Variants in MPRIP observed in about 807,000 individuals in gnomAD.
The protein encoded by MPRIP is myosin phosphatase Rho-interacting protein.
A neutral mutation model predicts 234.9 loss-of-function variants in MPRIP; 59 were observed. The observed-to-expected ratio is 0.25, with a 90% confidence interval of 0.20 to 0.31. The LOEUF (loss-of-function observed/expected upper bound fraction) is 0.31. Ranked by LOEUF, MPRIP falls within the 10% of genes least tolerant of loss-of-function variation. The pLI, the probability that MPRIP is intolerant of heterozygous loss-of-function variation, is 1.00. For synonymous variants in MPRIP, 1,144 were observed against 1,263.9 expected, an observed-to-expected ratio of 0.91 and a Z score of 2.01; for missense variants, 2,436 against 3,071.0, an observed-to-expected ratio of 0.79 and a Z score of 4.89.
At chr17:17,170,163 C>G (rs978775625) in intron 16 of MPRIP, 1 of 149,334 alleles carries the variant, frequency 6.7e-6, no homozygotes, top group African/African-American at 2.5e-5. Flanking sequence ...GGATGACACA[C>G]AAATTCATGA....
rs983084444 is a variant in MPRIP, at chr17:17,165,413, G to A, written c.3822G>A (p.Pro1274=). 19 of 1,304,184 alleles carry A rather than the reference G, an allele frequency of 1.5e-5. No individual in the cohort carries two copies. The East Asian group carries it at 3.3e-4, about 23-fold the overall frequency. 80.8% of individuals were successfully genotyped at this position (1,304,184 alleles called of 1,614,324 possible). Reference sequence around the variant, plus strand: ...AGGACGAGGACCTGGGGGCTCCTCCGGGGGAAGAGTACGGTGATGGCAGCC... The same window carrying A: ...AGGACGAGGACCTGGGGGCTCCTCCAGGGGAAGAGTACGGTGATGGCAGCC... The part of the protein sequence containing the change: ...EDEDEDLGAP[P]GEEYGDGSPS... Residue 1274 remains proline, a synonymous_variant, in exon 16 of 24, where the codon CCG becomes CCA. Transcript: ENST00000651222.
chr17:17,085,316 A>G (rs916399221), intron 3 of MPRIP, among the ~76,000 whole-genome samples: 3 of 152,148 alleles, frequency 2.0e-5, no homozygotes, highest in African/African-American at 7.2e-5. Flanking sequence ...CAGATCATTT[A>G]AAAAAACAAC....
chr17:17,068,480 A>G lies in MPRIP; in HGVS notation c.124-7230A>G, dbSNP rs115557304. ...TGATCAGTTTTATCAGTCTGTTCAA[A>G]GAACCAGCTCTTTGTTTCACTGATT... On this transcript the variant is annotated intron_variant, in intron 1 of 23. Transcript: ENST00000651222. 7.3e-3 allele frequency among the ~76,000 whole-genome samples: 1,106 copies of G among 151,980 alleles called. 16 individuals are homozygous for G. Among genetic ancestry groups the G allele is most frequent in the African/African-American group, 0.026 (1,070 of 41,492 alleles).
At position 17,167,742 on chromosome 17, in the gene MPRIP, C is replaced by T; in HGVS notation, c.6151C>T (p.Pro2051Ser). Residue 2051 changes from proline (P) to serine (S), a missense_variant, in exon 16 of 24, where the codon CCC becomes TCC. Pro to Ser is a moderately conservative substitution (Grantham distance 74). Transcript: ENST00000651222. This position sits in a 1 kb window ranked among gnomAD's most constrained non-coding sequence, Gnocchi z 5.9. Reference protein sequence around the residue: ...PHPKALPAPAPNWQATQGEAD... With the variant: ...PHPKALPAPASNWQATQGEAD... ...CCCCAAGGCCCTGCCAGCCCCTGCC[C>T]CCAACTGGCAGGCCACCCAGGGAGA... The T allele has an allele frequency of 7.7e-7, 1 of 1,304,216 alleles. No homozygotes were observed. The highest frequency in any genetic ancestry group is 1.2e-5 in the South Asian group (1 of 81,014). The allele number at this position is 1,304,216 out of a possible 1,614,324, so 80.8% of individuals were successfully genotyped here.
rs770607850 is a variant in MPRIP at position 17,093,465 on chromosome 17, AGTTT to A, written c.267+15393_267+15396del. ...CTCATTGGTGTGATAGTGGGGCAGT[AGTTT>A]GTTGTTGTTATTTTTTCCGGGGCAG... On this transcript the variant is annotated intron_variant, in intron 3 of 23. Transcript: ENST00000651222. Among the ~76,000 whole-genome samples, 17 of 152,242 alleles carry A rather than the reference AGTTT, an allele frequency of 1.1e-4. No individual in the cohort carries two copies. The East Asian group carries it at 3.3e-3, about 29-fold the overall frequency.
chr17:17,176,435 C>A lies in MPRIP; in HGVS notation c.6880C>A (p.Arg2294=), dbSNP rs1226623107. ...KDAYELEVLL[R]VKESEIQYLK... is the part of the protein sequence containing the mutation. Reference sequence around the variant, plus strand: ...CTCTCTGTCATTTTAGGTCTTATTGCGGGTAAAGGAATCGGAAATACAGTA... The same window carrying A: ...CTCTCTGTCATTTTAGGTCTTATTGAGGGTAAAGGAATCGGAAATACAGTA... The change falls in exon 21 of 24, where the codon CGG becomes AGG. Residue 2294 remains arginine, a synonymous_variant. Transcript: ENST00000651222. 1 of 1,613,138 alleles carries A rather than the reference C, an allele frequency of 6.2e-7. No individual in the cohort carries two copies. Among genetic ancestry groups the A allele is most frequent in the Non-Finnish European group, 8.5e-7 (1 of 1,179,260 alleles).
In MPRIP at chr17:17,165,361, G is replaced by T; in HGVS notation, c.3770G>T (p.Gly1257Val). The T allele has an allele frequency of 7.7e-7, 1 of 1,304,150 alleles. No homozygotes were observed. The highest frequency in any genetic ancestry group is 1.0e-6 in the Non-Finnish European group (1 of 988,958). The allele number at this position is 1,304,150 out of a possible 1,614,324, so 80.8% of individuals were successfully genotyped here. A position where few individuals can be genotyped will look rare whatever the true frequency, so the allele number is the denominator to read the frequency against. ...GTCCAAGCCACTAGGGCACCTCTAG[G>T]CCTCCCACACACAAGGCTCGAGGAT... ...QPVQATRAPL[G>V]LPHTRLEDED... The change falls in exon 16 of 24, where the codon GGC (glycine) becomes GTC (valine). Residue 1257 changes from glycine (G) to valine (V), a missense_variant. Around this residue, in one of 4 missense-constraint regions of MPRIP, gnomAD observed 1,998 missense variants for 2,520.3 expected, o/e 0.79. Coordinates refer to ENST00000651222, the MANE Select transcript of MPRIP (RefSeq NM_001364716.4).
chr17:17,173,490 G>T (rs554459842), intron 18 of MPRIP, among the ~76,000 whole-genome samples: 20 of 152,334 alleles, frequency 1.3e-4, no homozygotes, highest in Middle Eastern at 3.4e-3. Flanking sequence ...GCAGGAGGAC[G>T]GCCCTCCTGG....
rs1434944510 is a variant in MPRIP, at chr17:17,186,680, C to T, written c.*1786C>T. The T allele has an allele frequency of 6.6e-6, 1 of 152,232 alleles. No individual in the cohort carries two copies. Among genetic ancestry groups the T allele is most frequent in the African/African-American group, 2.4e-5 (1 of 41,424 alleles). 9.4% of individuals were successfully genotyped at this position (152,232 alleles called of 1,614,324 possible). A position where few individuals can be genotyped will look rare whatever the true frequency, so the allele number is the denominator to read the frequency against. On this transcript the variant is annotated 3_prime_UTR_variant, in exon 24 of 24. Transcript: ENST00000651222. ...GCTGCAATCAGTCATGATCGTGTCA[C>T]TGCACTCCAGCCTGGGTGACAAAGC...
intron 3 of MPRIP, among the ~76,000 whole-genome samples, chr17:17,100,296 C>G (rs2089933895): frequency 1.3e-5 from 2 of 152,180 alleles, no homozygotes. Context: ...CACGGCTGAC[C>G]CAGTGAGTCC....
At chr17:17,177,969 C>A (rs1434840194) in intron 22 of MPRIP, among the ~76,000 whole-genome samples, 1 of 149,558 alleles carries the variant, frequency 6.7e-6, no homozygotes, top group African/African-American at 2.5e-5. Context: ...CTCTGTTGCC[C>A]AGGGTGGAAT....
chr17:17,068,405 C>T (rs2089107222), intron 1 of MPRIP, among the ~76,000 whole-genome samples: 1 of 152,014 alleles, frequency 6.6e-6, no homozygotes, highest in African/African-American at 2.4e-5. Flanking sequence ...CCACCTCGGC[C>T]TCCCAAAGTG....
chr17:17,126,110 T>C (rs1438524410), intron 3 of MPRIP, among the ~76,000 whole-genome samples: 1 of 152,200 alleles, frequency 6.6e-6, no homozygotes, highest in Non-Finnish European at 1.5e-5. Flanking sequence ...TGTGTAACAG[T>C]TTTTGCTGTA....
At position 17,165,242 on chromosome 17, in the gene MPRIP, G is replaced by A; in HGVS notation, c.3651G>A (p.Arg1217=). ...TCCAGGCAAAAGAAGAGATTTTAAGGAAATTTGCAAGTGAATCTCCAAAGG... is the reference window on the plus strand; with the variant it reads ...TCCAGGCAAAAGAAGAGATTTTAAGAAAATTTGCAAGTGAATCTCCAAAGG... ...IKLQAKEEIL[R]KFASESPKDM... Residue 1217 remains arginine, a synonymous_variant, in exon 16 of 24, where the codon AGG becomes AGA. Coordinates refer to ENST00000651222, the MANE Select transcript of MPRIP (RefSeq NM_001364716.4). 1 of 1,304,130 alleles carries A rather than the reference G, an allele frequency of 7.7e-7. No individual in the cohort carries two copies. Among genetic ancestry groups the A allele is most frequent in the Non-Finnish European group, 1.0e-6 (1 of 988,972 alleles). The allele number at this position is 1,304,130 out of a possible 1,614,324, so 80.8% of individuals were successfully genotyped here. A position where few individuals can be genotyped will look rare whatever the true frequency, so the allele number is the denominator to read the frequency against.
intron 3 of MPRIP, among the ~76,000 whole-genome samples, chr17:17,081,182 T>C (rs2089453971): frequency 6.6e-6 from 1 of 152,244 alleles, no homozygotes; most frequent in Non-Finnish European, 1.5e-5. Flanking sequence ...GTTACTGACT[T>C]ATATGATGTT....
intron 22 of MPRIP, among the ~76,000 whole-genome samples, chr17:17,178,144 A>G (rs1252211563): frequency 6.6e-6 from 1 of 152,002 alleles, no homozygotes; most frequent in Non-Finnish European, 1.5e-5. Context: ...ACTGATCTCA[A>G]ACTCCTGGGC....
intron 18 of MPRIP, chr17:17,173,676 G>A: frequency 1.5e-6 from 1 of 663,950 alleles, no homozygotes; most frequent in Non-Finnish European, 2.7e-6. Context: ...ACTCTGTCCT[G>A]ACTGGCATCC....
intron 1 of MPRIP, among the ~76,000 whole-genome samples, chr17:17,048,181 T>G (rs899605253): frequency 6.6e-6 from 1 of 152,114 alleles, no homozygotes; most frequent in Non-Finnish European, 1.5e-5. Context: ...TTTTCATTGC[T>G]CAGGCCTGTT....
In MPRIP at chr17:17,143,577, C is replaced by T; in HGVS notation, c.1411C>T (p.Pro471Ser). ...ACAGGACTTCACCAATGAAGCCCCC[C>T]CAGCTCCTCTCCCAGACGCCTCGGC... ...RKRDFTNEAP[P>S]APLPDASASP... The change falls in exon 9 of 24, where the codon CCA becomes TCA. Residue 471 changes from proline to serine, a missense_variant. Physicochemically the swap from Pro to Ser is moderately conservative, Grantham distance 74 (BLOSUM62 -1). Around this residue, in one of 4 missense-constraint regions of MPRIP, gnomAD observed 267 missense variants for 252.7 expected, o/e 1.06. Transcript: ENST00000651222. 1.2e-6 allele frequency: 2 copies of T among 1,600,524 alleles called. No homozygotes were observed. The highest frequency in any genetic ancestry group is 1.7e-6 in the Non-Finnish European group (2 of 1,173,726).
Sources: gnomAD v4.1 joint callset for allele counts (sites outside exome capture counted in the v4.1 genomes callset) on GRCh38, gnomAD v4.1.1 for gene constraint, gnomAD v4.1.1 regional missense constraint, Gnocchi (gnomAD v3.1) non-coding constraint, MANE v1.5 for transcripts, NCBI Gene and HGNC (gene_info 2026-07-23, HGNC 2026-07-21) for gene names.